RABGAP1: variants seen among roughly 807,000 people sequenced by gnomAD.
RABGAP1 encodes rab GTPase-activating protein 1.
RABGAP1 carries 23 observed loss-of-function variants against 137.6 expected under a neutral mutation model. The ratio of observed to expected loss-of-function variants is 0.17; its 90% CI spans 0.12 to 0.24. The LOEUF (loss-of-function observed/expected upper bound fraction) is 0.24. Among genes scored for constraint, RABGAP1 ranks in the 10% least tolerant of loss-of-function variants. The probability of loss-of-function intolerance (pLI) is 1.00; values close to 1 mark genes in which losing one functional copy is unlikely to be tolerated. For missense variants in RABGAP1, 906 were observed against 1,275.8 expected, an observed-to-expected ratio of 0.71 and a Z score of 4.42; for synonymous variants, 451 against 450.7, an observed-to-expected ratio of 1.00 and a Z score of -0.01.
At position 122,960,552 on chromosome 9, in the gene RABGAP1, G is replaced by A. The variant is rs540765144; in HGVS notation, c.150+3343G>A. 2.6e-5 allele frequency among the ~76,000 whole-genome samples: 4 copies of A among 152,290 alleles called. No individual in the cohort carries two copies. The East Asian group carries it at 7.7e-4, about 29-fold the overall frequency. On this transcript the variant is annotated intron_variant, in intron 2 of 25. Coordinates refer to ENST00000373647, the MANE Select transcript of RABGAP1 (RefSeq NM_012197.4). ...CAACAATAACAAATCTTGCAGTGGG[G>A]AGGCCAGTACTTAGTGTTGGTACTG...
chr9:122,984,626 A>C lies in RABGAP1; in HGVS notation c.292A>C (p.Asn98His). 6.2e-7 allele frequency: 1 copy of C among 1,614,182 alleles called. No homozygotes were observed. Among genetic ancestry groups the C allele is most frequent in the Non-Finnish European group, 8.5e-7 (1 of 1,180,034 alleles). The change falls in exon 3 of 26, where the codon AAT becomes CAT. Residue 98 changes from asparagine to histidine, a missense_variant. Physicochemically the swap from Asn to His is moderately conservative, Grantham distance 68 (BLOSUM62 1). This residue lies in a region of RABGAP1 where 331 missense variants were observed against 358.3 expected (regional missense o/e 0.92). Coordinates refer to ENST00000373647, the MANE Select transcript of RABGAP1 (RefSeq NM_012197.4). ...TGGTGAAGGAGATGGGCCTCTTTCT[A>C]ATCAGCTCTCCGCTTCATCCACCAT... is the stretch of plus-strand genomic sequence containing the variant. ...LDGEGDGPLS[N>H]QLSASSTINP...
intron 10 of RABGAP1, among the ~76,000 whole-genome samples, chr9:123,009,168 C>T (rs1003209998): frequency 1.8e-4 from 27 of 152,212 alleles, no homozygotes; most frequent in African/African-American, 5.3e-4. Flanking sequence ...TGCTTTTGCA[C>T]TATAACAGCA....
At chr9:123,055,514 G>A (rs116877472) in intron 13 of RABGAP1, among the ~76,000 whole-genome samples, 2,375 of 150,770 alleles carry the variant, frequency 0.016, 34 homozygotes, top group South Asian at 0.066. Context: ...TTACAGGTGT[G>A]AGCCATCATG....
At chr9:123,028,110 C>A (rs1564143854) in intron 13 of RABGAP1, among the ~76,000 whole-genome samples, 1 of 152,152 alleles carries the variant, frequency 6.6e-6, no homozygotes, top group Non-Finnish European at 1.5e-5. Context: ...TTTTGACCCA[C>A]AAATAGGCAA....
chr9:122,941,677 C>T (rs1236491436), intron 1 of RABGAP1, among the ~76,000 whole-genome samples: 1 of 152,254 alleles, frequency 6.6e-6, no homozygotes, highest in East Asian at 1.9e-4. Context: ...GTCTTCTCAT[C>T]TCCTTGAAGC....
chr9:123,072,610 TCTC>T (rs992455754), intron 15 of RABGAP1, among the ~76,000 whole-genome samples: 14 of 152,254 alleles, frequency 9.2e-5, no homozygotes, highest in Admixed American at 5.2e-4. Flanking sequence ...TTAGGCCACA[TCTC>T]CTTGCATGTG....
Position 123,070,615 on chromosome 9 carries a change from C to T in RABGAP1, c.1983+191C>T, listed in dbSNP as rs553651304. 4.6e-5 allele frequency among the ~76,000 whole-genome samples: 7 copies of T among 152,270 alleles called. No individual in the cohort carries two copies. In the South Asian group the frequency reaches 1.5e-3, roughly 32 times the overall value. ...GGAGGAGATATATGATGAGAATAAA[C>T]GGCAATGTTGAAAACTGGTACAGGG... On this transcript the variant is annotated intron_variant, in intron 15 of 25. Transcript: ENST00000373647. The surrounding 1 kb of genome is among the most constrained non-coding windows in gnomAD (Gnocchi z 4.4).
At chr9:122,942,668 T>TGAAAAA (rs1298123652) in intron 1 of RABGAP1, among the ~76,000 whole-genome samples, 1 of 5,498 alleles carries the variant, frequency 1.8e-4, no homozygotes, top group Non-Finnish European at 1.6e-3. Context: ...AGACTCCGTC[T>TGAAAAA]CAAAAAAAAA....
At chr9:123,047,902 C>T (rs78838437) in intron 13 of RABGAP1, among the ~76,000 whole-genome samples, 2,987 of 132,704 alleles carry the variant, frequency 0.023, 44 homozygotes, top group Non-Finnish European at 0.033. Flanking sequence ...AATATCTAGC[C>T]ATTTTACAGC....
chr9:122,947,613 A>T (rs567033504), intron 1 of RABGAP1, among the ~76,000 whole-genome samples: 1 of 152,384 alleles, frequency 6.6e-6, no homozygotes, highest in Non-Finnish European at 1.5e-5. Flanking sequence ...TTGAACTAAA[A>T]GTGATTTAAT....
chr9:123,060,152 T>G (rs1588355702), intron 13 of RABGAP1, among the ~76,000 whole-genome samples: 1 of 152,224 alleles, frequency 6.6e-6, no homozygotes, highest in East Asian at 1.9e-4. Context: ...GTGAGTGTAG[T>G]ATAATTTACA....
chr9:123,065,770 G>A (rs544019561), intron 14 of RABGAP1, among the ~76,000 whole-genome samples: 2 of 152,290 alleles, frequency 1.3e-5, no homozygotes, highest in South Asian at 4.2e-4. Context: ...CTGTGACACT[G>A]CAGACTCCTT....
chr9:123,048,152 T>G (rs956536791), intron 13 of RABGAP1, among the ~76,000 whole-genome samples: 4 of 152,086 alleles, frequency 2.6e-5, no homozygotes, highest in Non-Finnish European at 5.9e-5. Flanking sequence ...TTGGCCAGGC[T>G]GGTCTCGAAC....
At chr9:122,943,733 A>G (rs548899562) in intron 1 of RABGAP1, among the ~76,000 whole-genome samples, 3 of 152,166 alleles carry the variant, frequency 2.0e-5, no homozygotes, top group African/African-American at 7.2e-5. Flanking sequence ...GCAGGCGGAT[A>G]ACAAGGTCAG....
chr9:123,035,510 TA>T, intron 13 of RABGAP1: 1 of 1,613,778 alleles, frequency 6.2e-7, no homozygotes, highest in Non-Finnish European at 8.5e-7. Flanking sequence ...CAAAGAGGAC[TA>T]AAGCGCCTCT....
intron 19 of RABGAP1, among the ~76,000 whole-genome samples, chr9:123,085,859 G>T (rs914975543): frequency 2.0e-5 from 3 of 152,206 alleles, no homozygotes; most frequent in African/African-American, 7.2e-5. Context: ...GCACATAGTA[G>T]TGCTTAACTA....
intron 2 of RABGAP1, among the ~76,000 whole-genome samples, chr9:122,967,223 T>G (rs1443214447): frequency 2.0e-5 from 3 of 152,032 alleles, no homozygotes; most frequent in Non-Finnish European, 4.4e-5. Flanking sequence ...GAATAATGGG[T>G]TTTTTTGGAG....
chr9:123,034,571 ACT>A, intron 13 of RABGAP1: 2 of 1,595,056 alleles, frequency 1.3e-6, no homozygotes, highest in Non-Finnish European at 1.7e-6. Flanking sequence ...CTCAAGATGA[ACT>A]CCACCTTGGA....
intron 24 of RABGAP1, among the ~76,000 whole-genome samples, chr9:123,099,794 A>T (rs2132245643): frequency 6.6e-6 from 1 of 152,306 alleles, no homozygotes. Flanking sequence ...CATGATTTCC[A>T]AATGTCTGTA....
Sources: allele counts gnomAD v4.1 joint callset (sites outside exome capture counted in the v4.1 genomes callset), GRCh38; gene constraint gnomAD v4.1.1; regional missense constraint gnomAD v4.1.1; non-coding constraint Gnocchi (gnomAD v3.1); transcripts MANE v1.5; gene names NCBI Gene and HGNC (gene_info 2026-07-23, HGNC 2026-07-21).